MAGI1: variants seen among roughly 807,000 people sequenced by gnomAD.
MAGI1 encodes the protein membrane-associated guanylate kinase, WW and PDZ domain-containing protein 1.
MAGI1 carries 58 observed loss-of-function variants against 139.9 expected under a neutral mutation model. That is an observed-to-expected ratio of 0.41 (90% CI 0.34 to 0.52). The LOEUF (loss-of-function observed/expected upper bound fraction) is 0.52, where lower values mean the gene tolerates loss of function less well. Among genes scored for constraint, MAGI1 ranks in the 20% least tolerant of loss-of-function variants. MAGI1 has a pLI of 0.12. For synonymous variants in MAGI1, 812 were observed against 737.9 expected, an observed-to-expected ratio of 1.10 and a Z score of -1.63; for missense variants, 1,874 against 1,901.6, an observed-to-expected ratio of 0.99 and a Z score of 0.27.
chr3:65,920,038 A>C (rs2062099180), intron 1 of MAGI1, among the ~76,000 whole-genome samples: 1 of 152,226 alleles, frequency 6.6e-6, no homozygotes. Context: ...GCAATGACCC[A>C]GACTAGACTT....
intron 1 of MAGI1, among the ~76,000 whole-genome samples, chr3:65,869,139 C>T (rs2059829894): frequency 6.9e-6 from 1 of 145,830 alleles, no homozygotes; most frequent in African/African-American, 2.6e-5. Flanking sequence ...CCTGTAGTCC[C>T]AGCTACTCGG....
At chr3:65,358,467 G>C (rs1940444866) in intron 22 of MAGI1, among the ~76,000 whole-genome samples, 1 of 152,136 alleles carries the variant, frequency 6.6e-6, no homozygotes, top group Admixed American at 6.5e-5. Context: ...TTAACAAAAA[G>C]CAAGTGAAAA....
At chr3:65,765,479 A>G (rs746973036) in intron 1 of MAGI1, among the ~76,000 whole-genome samples, 1 of 152,198 alleles carries the variant, frequency 6.6e-6, no homozygotes, top group Non-Finnish European at 1.5e-5. Context: ...ACCTTACATA[A>G]TAAAGAAAAT....
rs1940186406 is a variant in MAGI1, at chr3:65,356,240, T to C, written c.*138A>G. 9.2e-6 allele frequency: 7 copies of C among 757,244 alleles called. No individual in the cohort carries two copies. In the South Asian group the frequency reaches 1.9e-4, roughly 21 times the overall value. The allele number at this position is 757,244 out of a possible 1,614,324, so 46.9% of individuals were successfully genotyped here. A position where few individuals can be genotyped will look rare whatever the true frequency, so the allele number is the denominator to read the frequency against. On this transcript the variant is annotated 3_prime_UTR_variant, in exon 23 of 23. Coordinates refer to ENST00000402939, the MANE Select transcript of MAGI1 (RefSeq NM_001033057.2). Reference sequence around the variant, plus strand: ...ATATTTTTTCTTATAAGATTTCAAATGCATAAAATGTTTGTTGTTATTCAT... The same window carrying C: ...ATATTTTTTCTTATAAGATTTCAAACGCATAAAATGTTTGTTGTTATTCAT...
chr3:65,862,227 CT>C (rs1477397644), intron 1 of MAGI1, among the ~76,000 whole-genome samples: 6 of 152,168 alleles, frequency 3.9e-5, no homozygotes, highest in Non-Finnish European at 7.4e-5. Context: ...AATCCTGGTT[CT>C]TCTCTCAGCA....
chr3:65,912,435 T>C (rs1386470990), intron 1 of MAGI1, among the ~76,000 whole-genome samples: 1 of 152,186 alleles, frequency 6.6e-6, no homozygotes, highest in Non-Finnish European at 1.5e-5. Flanking sequence ...ATCATTACGA[T>C]TCAGGGATGG....
At chr3:65,830,466 C>T (rs1014263489) in intron 1 of MAGI1, among the ~76,000 whole-genome samples, 4 of 152,142 alleles carry the variant, frequency 2.6e-5, no homozygotes, top group Non-Finnish European at 5.9e-5. Flanking sequence ...CCAGTAACAG[C>T]TCTCATGCAA....
At chr3:65,733,128 G>A (rs2034357256) in intron 1 of MAGI1, among the ~76,000 whole-genome samples, 1 of 151,896 alleles carries the variant, frequency 6.6e-6, no homozygotes, top group South Asian at 2.1e-4. Context: ...GCGCGATCTT[G>A]GCTCACTGCA....
intron 1 of MAGI1, among the ~76,000 whole-genome samples, chr3:65,702,158 A>C (rs1381484198): frequency 6.6e-6 from 1 of 152,158 alleles, no homozygotes; most frequent in South Asian, 2.1e-4. Flanking sequence ...CTGGTCCCCC[A>C]TAATAGCAGC....
At chr3:65,545,983 C>A (rs989636784) in intron 2 of MAGI1, among the ~76,000 whole-genome samples, 2 of 145,222 alleles carry the variant, frequency 1.4e-5, no homozygotes, top group Non-Finnish European at 3.0e-5. Context: ...CTCACACACA[C>A]ACACACACAC....
At chr3:65,688,802 G>C (rs1450482756) in intron 1 of MAGI1, among the ~76,000 whole-genome samples, 1 of 152,098 alleles carries the variant, frequency 6.6e-6, no homozygotes, top group Admixed American at 6.5e-5. Context: ...ATACTTAGCA[G>C]GATGAATTAT....
intron 12 of MAGI1, among the ~76,000 whole-genome samples, chr3:65,422,567 A>G (rs998056816): frequency 3.3e-5 from 5 of 152,126 alleles, no homozygotes; most frequent in African/African-American, 1.2e-4. Flanking sequence ...AATGCAGATG[A>G]TTTTCTGAAT....
At chr3:66,024,583 G>C (rs1440363021) in intron 1 of MAGI1, among the ~76,000 whole-genome samples, 2 of 152,164 alleles carry the variant, frequency 1.3e-5, no homozygotes, top group Non-Finnish European at 2.9e-5. Flanking sequence ...AAGGTGGGCG[G>C]ATCACCTGAG....
At chr3:65,674,497 A>T (rs747293400) in intron 1 of MAGI1, among the ~76,000 whole-genome samples, 1 of 152,332 alleles carries the variant, frequency 6.6e-6, no homozygotes, top group Non-Finnish European at 1.5e-5. Flanking sequence ...GCTATGCATC[A>T]CAAGAACAAC....
At chr3:65,478,325 T>G (rs970911253) in intron 4 of MAGI1, among the ~76,000 whole-genome samples, 2 of 152,114 alleles carry the variant, frequency 1.3e-5, no homozygotes, top group African/African-American at 4.8e-5. Context: ...AAAGAAACCA[T>G]GCTGATTTCT....
chr3:65,903,460 AG>A (rs1205180172), intron 1 of MAGI1, among the ~76,000 whole-genome samples: 2 of 152,132 alleles, frequency 1.3e-5, no homozygotes, highest in Non-Finnish European at 2.9e-5. Context: ...CCTACTTCCT[AG>A]GGCAGCATAA....
chr3:66,024,313 A>AC (rs1215765549), intron 1 of MAGI1, among the ~76,000 whole-genome samples: 1 of 105,550 alleles, frequency 9.5e-6, no homozygotes, highest in African/African-American at 4.9e-5. Context: ...GGCAAAGTTC[A>AC]TTAAAAAAAA....
chr3:65,966,625 T>G (rs1576294185), intron 1 of MAGI1, among the ~76,000 whole-genome samples: 1 of 147,962 alleles, frequency 6.8e-6, no homozygotes, highest in African/African-American at 2.5e-5. Context: ...GCGGGGAGAG[T>G]GGGGGCGCGG....
At chr3:65,553,382 C>T (rs982479241) in intron 2 of MAGI1, among the ~76,000 whole-genome samples, 5 of 151,906 alleles carry the variant, frequency 3.3e-5, no homozygotes, top group Admixed American at 1.3e-4. Context: ...ATTGCCCTAA[C>T]ATTAAACAGA....
Sources: gnomAD v4.1 joint callset for allele counts (sites outside exome capture counted in the v4.1 genomes callset) on GRCh38, gnomAD v4.1.1 for gene constraint, MANE v1.5 for transcripts, NCBI Gene and HGNC (gene_info 2026-07-23, HGNC 2026-07-21) for gene names.